The following MTMR10 variants were observed in gnomAD, a reference collection of about 807,000 sequenced individuals.
MTMR10 encodes the protein myotubularin related protein 10.
Under a neutral mutation model 88.1 loss-of-function variants are expected in MTMR10, and 56 were observed. That is an observed-to-expected ratio of 0.64 (90% CI 0.51 to 0.79). MTMR10 has a LOEUF of 0.79. Among genes scored for constraint, MTMR10 ranks in the 30% least tolerant of loss-of-function variants. The pLI is 0.00. For missense variants in MTMR10, 883 were observed against 924.7 expected (o/e 0.95, Z 0.58); for synonymous variants, 380 against 340.9 (o/e 1.11, Z -1.26).
chr15:30,965,936 A>C, intron 6 of MTMR10: 1 of 434,718 alleles, frequency 2.3e-6, no homozygotes, highest in South Asian at 1.6e-5. Context: ...CAGAAGTTCA[A>C]GAGTGGATGA....
chr15:30,965,649 C>T (rs1280948120), intron 6 of MTMR10, among the ~76,000 whole-genome samples: 2 of 152,134 alleles, frequency 1.3e-5, no homozygotes, highest in Admixed American at 6.5e-5. Flanking sequence ...TTGTGCAAAG[C>T]GATGTTCCAA....
chr15:30,938,675 C>G (rs894611771), downstream of MTMR10, among the ~76,000 whole-genome samples: 3 of 152,084 alleles, frequency 2.0e-5, no homozygotes, highest in East Asian at 1.9e-4. Flanking sequence ...TTCTTTGAAG[C>G]CTTCTTGGGG....
At chr15:30,945,297 A>C (rs1048830411) in intron 14 of MTMR10, among the ~76,000 whole-genome samples, 2 of 152,212 alleles carry the variant, frequency 1.3e-5, no homozygotes, top group African/African-American at 4.8e-5. Flanking sequence ...CCAAATTAAA[A>C]AGAGCACTAG....
chr15:30,930,705 A>G, the MTMR10 span: 7 of 1,610,482 alleles, frequency 4.3e-6, no homozygotes, highest in Non-Finnish European at 5.9e-6. Flanking sequence ...TCCTGTTGGT[A>G]ACCTTATTAG....
the MTMR10 span, chr15:30,928,035 C>G: frequency 4.0e-6 from 4 of 990,356 alleles, no homozygotes; most frequent in Non-Finnish European, 4.8e-6. Context: ...GTGTAGTACC[C>G]AGGGGGATGA....
At chr15:30,983,233 A>G (rs917224442) in intron 2 of MTMR10, among the ~76,000 whole-genome samples, 2 of 152,214 alleles carry the variant, frequency 1.3e-5, no homozygotes, top group African/African-American at 4.8e-5. Flanking sequence ...GCCACAAGGA[A>G]GCCTCATGAA....
At chr15:30,991,189 G>C in intron 1 of MTMR10, 1 of 481,660 alleles carries the variant, frequency 2.1e-6, no homozygotes, top group Non-Finnish European at 3.6e-6. Flanking sequence ...GGCTCCCCTG[G>C]GCCTCAACAC....
At chr15:30,954,977 A>G in intron 9 of MTMR10, 84 bp from the exon 10 acceptor site, 2 of 1,234,944 alleles carry the variant, frequency 1.6e-6, no homozygotes, top group South Asian at 1.8e-5. Context: ...CAGGGGATAG[A>G]GAGAGGAATG....
intron 14 of MTMR10, chr15:30,946,680 T>C: frequency 1.4e-6 from 1 of 698,450 alleles, no homozygotes. Flanking sequence ...CTTGAGACCC[T>C]GCTTAGTCAT....
At chr15:30,924,242 C>G in the MTMR10 span, among the ~76,000 whole-genome samples, 1 of 152,210 alleles carries the variant, frequency 6.6e-6, no homozygotes, top group Non-Finnish European at 1.5e-5. Context: ...TTTCTAGCCA[C>G]TCATTGGTTG....
At chr15:30,961,767 T>C (rs1193855439) in intron 6 of MTMR10, among the ~76,000 whole-genome samples, 1 of 152,234 alleles carries the variant, frequency 6.6e-6, no homozygotes, top group Non-Finnish European at 1.5e-5. Context: ...GAATGAAGAA[T>C]GGCTGCTGCC....
downstream of MTMR10, among the ~76,000 whole-genome samples, chr15:30,937,886 T>A (rs143355524): frequency 6.6e-3 from 1,002 of 152,138 alleles, 12 homozygotes; most frequent in African/African-American, 0.02. Flanking sequence ...AGGTTTTTTT[T>A]ATAAAAAAGT....
rs141108232 is a variant in MTMR10, at chr15:30,940,375, G to A, written c.*1095C>T. 178 of 985,374 alleles carry A rather than the reference G, an allele frequency of 1.8e-4. No homozygotes were observed. In the African/African-American group the frequency reaches 2.8e-3, roughly 15 times the overall value. The allele number at this position is 985,374 out of a possible 1,614,324, so 61.0% of individuals were successfully genotyped here. On this transcript the variant is annotated 3_prime_UTR_variant, in exon 16 of 16. Coordinates refer to ENST00000435680, the MANE Select transcript of MTMR10 (RefSeq NM_017762.3). ...TGGGGGCTGGGGGAGCACTTCTGTC[G>A]CTATTCAAATGGCAGTGTTTTGAGA... is the stretch of plus-strand genomic sequence containing the variant.
chr15:30,920,649 A>G, the MTMR10 span: 2 of 1,589,296 alleles, frequency 1.3e-6, no homozygotes, highest in Non-Finnish European at 8.6e-7. Flanking sequence ...CTTCACATGT[A>G]TGAGGTTAGA....
Position 30,939,687 on chromosome 15 carries a change from G to C in MTMR10, c.*1783C>G. 6 of 959,918 alleles carry C rather than the reference G, an allele frequency of 6.3e-6. No homozygotes were observed. The highest frequency in any genetic ancestry group is 7.4e-6 in the Non-Finnish European group (6 of 806,934). 59.5% of individuals were successfully genotyped at this position (959,918 alleles called of 1,614,324 possible). On this transcript the variant is annotated 3_prime_UTR_variant, in exon 16 of 16. Transcript: ENST00000435680. The stretch of plus-strand genomic sequence containing the variant: ...AAACGTGAAGGAAGAAAATTACAGA[G>C]GGAAAAATGCTCAATCCAAAACATT...
the MTMR10 span, chr15:30,926,640 A>G: frequency 1.0e-6 from 1 of 985,204 alleles, no homozygotes; most frequent in Non-Finnish European, 1.2e-6. Context: ...AGACGTGCAA[A>G]TGCCAGTGAA....
At chr15:30,929,983 TATAAG>T in the MTMR10 span, among the ~76,000 whole-genome samples, 41 of 126,644 alleles carry the variant, frequency 3.2e-4, no homozygotes, top group African/African-American at 3.5e-4. Context: ...ATATATAATA[TATAAG>T]ATATCATATA....
chr15:30,986,498 TTTTTAA>T (rs1190184892), intron 2 of MTMR10, among the ~76,000 whole-genome samples: 1 of 152,160 alleles, frequency 6.6e-6, no homozygotes, highest in Non-Finnish European at 1.5e-5. Flanking sequence ...AGTTTTTAAC[TTTTTAA>T]TTTTGTTAAC....
Position 30,939,343 on chromosome 15 carries a change from A to G in MTMR10, c.*2127T>C. On this transcript the variant is annotated 3_prime_UTR_variant, in exon 16 of 16. Coordinates refer to ENST00000435680, the MANE Select transcript of MTMR10 (RefSeq NM_017762.3). The stretch of plus-strand genomic sequence containing the variant: ...CTCAGCACGGGCTCTGCTGGCGGGC[A>G]GCAGGGGTGCTGAGCTCTCTCTAGT... 1 of 985,474 alleles carries G rather than the reference A, an allele frequency of 1.0e-6. No individual in the cohort carries two copies. The highest frequency in any genetic ancestry group is 1.1e-4 in the East Asian group (1 of 8,820). The allele number at this position is 985,474 out of a possible 1,614,324, so 61.0% of individuals were successfully genotyped here.
Sources: gnomAD v4.1 joint callset for allele counts (sites outside exome capture counted in the v4.1 genomes callset) on GRCh38, gnomAD v4.1.1 for gene constraint, MANE v1.5 for transcripts, NCBI Gene and HGNC (gene_info 2026-07-23, HGNC 2026-07-21) for gene names.